The following CLIC5 variants were observed in gnomAD, a reference collection of about 807,000 sequenced individuals.
The protein encoded by CLIC5 is CLIC family member 5.
Under a neutral mutation model 24.7 loss-of-function variants are expected in CLIC5, and 20 were observed. The observed-to-expected ratio is 0.81, with a 90% confidence interval of 0.57 to 1.18. The LOEUF (loss-of-function observed/expected upper bound fraction) is 1.18, where lower values mean the gene tolerates loss of function less well. Among genes scored for constraint, CLIC5 ranks in the 50% most tolerant of loss-of-function variants. The pLI is 0.00. For synonymous variants in CLIC5, 159 were observed against 135.6 expected, an observed-to-expected ratio of 1.17 and a Z score of -1.20; for missense variants, 341 against 326.1, an observed-to-expected ratio of 1.05 and a Z score of -0.35.
At chr6:46,039,737 A>G (rs1473299275) in intron 1 of CLIC5, among the ~76,000 whole-genome samples, 1 of 152,250 alleles carries the variant, frequency 6.6e-6, no homozygotes, top group Non-Finnish European at 1.5e-5. Flanking sequence ...TGAACAGAGA[A>G]TTCATCTAAT....
intron 1 of CLIC5, among the ~76,000 whole-genome samples, chr6:46,069,594 G>GA (rs1255313797): frequency 6.6e-6 from 1 of 150,574 alleles, no homozygotes; most frequent in Non-Finnish European, 1.5e-5. Flanking sequence ...AACAAAAAAA[G>GA]AAAAAAAAGC....
chr6:46,064,918 T>C (rs982623672), intron 1 of CLIC5, among the ~76,000 whole-genome samples: 15 of 151,512 alleles, frequency 9.9e-5, no homozygotes, highest in Non-Finnish European at 1.9e-4. Flanking sequence ...ACCATAGCAT[T>C]AAAGAATTGA....
chr6:45,988,810 A>G (rs1765830033), intron 1 of CLIC5, among the ~76,000 whole-genome samples: 10 of 152,192 alleles, frequency 6.6e-5, no homozygotes, highest in Admixed American at 6.5e-4. Flanking sequence ...TGAGCACAGG[A>G]GGGCAGATCC....
intron 1 of CLIC5, among the ~76,000 whole-genome samples, chr6:46,067,709 G>A (rs756907882): frequency 8.5e-5 from 13 of 152,144 alleles, no homozygotes; most frequent in Non-Finnish European, 1.3e-4. Context: ...TCAGGATGAT[G>A]CTAGGAATGT....
intron 5 of CLIC5, chr6:45,912,843 C>T: frequency 1.3e-6 from 1 of 778,650 alleles, no homozygotes; most frequent in Non-Finnish European, 2.2e-6. Flanking sequence ...TGGCTTGGCC[C>T]CAAATCCAAA....
chr6:45,934,843 C>T (rs1412199916), intron 4 of CLIC5, among the ~76,000 whole-genome samples: 1 of 152,114 alleles, frequency 6.6e-6, no homozygotes, highest in Non-Finnish European at 1.5e-5. Flanking sequence ...CATGATAGAC[C>T]TGGAAGAAAT....
the CLIC5 span, among the ~76,000 whole-genome samples, chr6:46,099,692 G>A: frequency 6.6e-6 from 1 of 152,130 alleles, no homozygotes; most frequent in Non-Finnish European, 1.5e-5. Flanking sequence ...ATCTAGTTCT[G>A]TAGTAAAATA....
intron 1 of CLIC5, among the ~76,000 whole-genome samples, chr6:46,045,721 A>G (rs1767936326): frequency 6.6e-6 from 1 of 152,062 alleles, no homozygotes; most frequent in Admixed American, 6.6e-5. Context: ...AACTATACCT[A>G]CTTTTTAAAT....
At chr6:45,909,092 G>A (rs770528453) in intron 5 of CLIC5, among the ~76,000 whole-genome samples, 1 of 150,886 alleles carries the variant, frequency 6.6e-6, no homozygotes, top group Non-Finnish European at 1.5e-5. Flanking sequence ...CCTGATATGA[G>A]AATAGTGACC....
At chr6:46,082,004 A>G (rs1355987689), upstream of CLIC5, among the ~76,000 whole-genome samples, 1 of 152,212 alleles carries the variant, frequency 6.6e-6, no homozygotes, top group African/African-American at 2.4e-5. Context: ...TTGTATATAC[A>G]TATGCATTTT....
intron 1 of CLIC5, among the ~76,000 whole-genome samples, chr6:45,960,227 C>T (rs897195560): frequency 5.3e-5 from 8 of 152,116 alleles, no homozygotes; most frequent in Admixed American, 1.3e-4. Context: ...AAGTCACTCG[C>T]GGGTACCCAA....
intron 4 of CLIC5, chr6:45,914,652 A>G (rs1394626625): frequency 7.6e-6 from 5 of 660,448 alleles, no homozygotes. Context: ...TGAAAAAAAT[A>G]CATAAATATA....
rs73738324 is a variant in CLIC5, at chr6:45,985,699, C to T, written c.63+29781G>A. On this transcript the variant is annotated intron_variant, in intron 1 of 5. Transcript: ENST00000339561. ...ATTTATTGCCTTGGCCCCATCCCTA[C>T]CAGGCCACTCTGGGTTGGCTGCATC... Among the ~76,000 whole-genome samples the T allele has an allele frequency of 4.9e-3, 745 of 152,254 alleles. 4 individuals are homozygous for T. The highest frequency in any genetic ancestry group is 0.017 in the African/African-American group (710 of 41,546).
upstream of CLIC5, among the ~76,000 whole-genome samples, chr6:46,018,495 A>C (rs1462097769): frequency 6.6e-6 from 1 of 152,244 alleles, no homozygotes; most frequent in Non-Finnish European, 1.5e-5. Context: ...ATGCTGCAAA[A>C]AAAATAATTC....
the CLIC5 span, chr6:46,102,732 T>C: frequency 6.6e-6 from 1 of 152,408 alleles, no homozygotes; most frequent in African/African-American, 2.4e-5. Context: ...GTTGAATTTC[T>C]GGATTGTTTT....
chr6:45,926,182 CACACACACACAT>C (rs1763477015), intron 4 of CLIC5, among the ~76,000 whole-genome samples: 1 of 150,456 alleles, frequency 6.6e-6, no homozygotes, highest in Admixed American at 6.6e-5. Flanking sequence ...AACATATATA[CACACACACACAT>C]ACACACACAC....
the CLIC5 span, among the ~76,000 whole-genome samples, chr6:46,119,674 C>T: frequency 6.6e-6 from 1 of 152,248 alleles, no homozygotes; most frequent in East Asian, 1.9e-4. Context: ...CAGGGAATTC[C>T]CTTTCATAGC....
chr6:46,116,442 A>T, the CLIC5 span, among the ~76,000 whole-genome samples: 1 of 152,164 alleles, frequency 6.6e-6, no homozygotes, highest in African/African-American at 2.4e-5. Flanking sequence ...ATCATGGGCC[A>T]ATGTCTCGAG....
intron 1 of CLIC5, among the ~76,000 whole-genome samples, chr6:46,047,798 T>C (rs562166626): frequency 4.0e-4 from 61 of 152,084 alleles, no homozygotes; most frequent in African/African-American, 1.4e-3. Context: ...TATTACAAAA[T>C]CATTGGCAAA....
Sources: gnomAD v4.1 joint callset for allele counts (sites outside exome capture counted in the v4.1 genomes callset) on GRCh38, gnomAD v4.1.1 for gene constraint, MANE v1.5 for transcripts, NCBI Gene and HGNC (gene_info 2026-07-23, HGNC 2026-07-21) for gene names.